VWDE: variants seen among roughly 807,000 people sequenced by gnomAD.
VWDE encodes the protein von Willebrand factor D and EGF domain-containing protein.
A neutral mutation model predicts 178.4 loss-of-function variants in VWDE; 207 were observed. The observed-to-expected ratio is 1.16, with a 90% CI of 1.04 to 1.30. VWDE has a LOEUF of 1.30. Among genes scored for constraint, VWDE ranks in the 50% most tolerant of loss-of-function variants. The pLI is 0.00. For synonymous variants in VWDE, 738 were observed against 651.4 expected, an observed-to-expected ratio of 1.13 and a Z score of -2.02; for missense variants, 2,287 against 1,901.3, an observed-to-expected ratio of 1.20 and a Z score of -3.77.
At chr7:12,341,635 G>GAAAAA (rs5882355) in intron 23 of VWDE, among the ~76,000 whole-genome samples, 1 of 148,090 alleles carries the variant, frequency 6.8e-6, no homozygotes, top group Non-Finnish European at 1.5e-5. Flanking sequence ...CTGTCTAAAT[G>GAAAAA]AAAAAAAAAA....
chr7:12,375,566 T>C (rs1783480297), intron 7 of VWDE, among the ~76,000 whole-genome samples: 1 of 151,820 alleles, frequency 6.6e-6, no homozygotes, highest in African/African-American at 2.4e-5. Context: ...TAATTTTACA[T>C]ATTATATATA....
At chr7:12,371,680 T>C (rs932317953) in intron 10 of VWDE, among the ~76,000 whole-genome samples, 4 of 152,150 alleles carry the variant, frequency 2.6e-5, no homozygotes, top group Admixed American at 2.6e-4. Context: ...CAACTTAAGG[T>C]AGCTAATATT....
At chr7:12,362,965 C>G (rs116392216) in intron 13 of VWDE, among the ~76,000 whole-genome samples, 1 of 152,062 alleles carries the variant, frequency 6.6e-6, no homozygotes, top group Non-Finnish European at 1.5e-5. Flanking sequence ...TTATTCCCAA[C>G]TTTCTATTTC....
intron 11 of VWDE, 26 bp downstream of exon 11, chr7:12,370,630 T>C (rs1180802019): frequency 1.3e-6 from 2 of 1,546,776 alleles, no homozygotes. Context: ...ATTAATATAA[T>C]CGCAAGTGGA....
Position 12,393,703 on chromosome 7 carries a change from A to T in VWDE, c.134T>A (p.Leu45His). The change falls in exon 2 of 29, where the codon CTC becomes CAC. Residue 45 changes from leucine (L) to histidine (H), a missense_variant. Transcript: ENST00000275358. ...YRSVRFDSWH[L>H]QQSAVQDLIC... ...TAGGTCTTGAACAGCTGACTGCTGGAGGTGCCATGAGTCAAAACGGACACT... is the reference window on the plus strand; with the variant it reads ...TAGGTCTTGAACAGCTGACTGCTGGTGGTGCCATGAGTCAAAACGGACACT... 6.4e-7 allele frequency: 1 copy of T among 1,551,296 alleles called. No individual in the cohort carries two copies. The highest frequency in any genetic ancestry group is 1.4e-5 in the African/African-American group (1 of 73,130).
At chr7:12,403,458 A>C (rs1562529010) in intron 1 of VWDE, among the ~76,000 whole-genome samples, 1 of 152,238 alleles carries the variant, frequency 6.6e-6, no homozygotes, top group African/African-American at 2.4e-5. Flanking sequence ...GCAAAAGAAA[A>C]GTGTAGAGTT....
chr7:12,358,822 T>C (rs1008179775), intron 16 of VWDE, among the ~76,000 whole-genome samples: 2 of 152,226 alleles, frequency 1.3e-5, no homozygotes. Context: ...GCACTACATT[T>C]TTCCTCAAAT....
In VWDE at chr7:12,344,213, C is replaced by T. The variant is rs1343142618; in HGVS notation, c.4060G>A (p.Gly1354Arg). 1.2e-5 allele frequency: 19 copies of T among 1,550,412 alleles called. No homozygotes were observed. The highest frequency in any genetic ancestry group is 1.5e-5 in the Non-Finnish European group (17 of 1,146,262). ...NICQCLPGHG[G>R]ATCDEEHCNP... is the part of the protein sequence containing the mutation. ...TTATCACCTTCATCACAGGTTGCTC[C>T]ACCATGTCCTGGAAGACACTGACAA... The change falls in exon 21 of 29, where the codon GGA (glycine) becomes AGA (arginine). Residue 1354 changes from glycine (G) to arginine (R), a missense_variant. Gly to Arg is a moderately radical substitution (Grantham distance 125). Transcript: ENST00000275358.
chr7:12,345,712 T>C (rs900395834), intron 19 of VWDE, among the ~76,000 whole-genome samples: 4 of 152,186 alleles, frequency 2.6e-5, no homozygotes, highest in African/African-American at 9.6e-5. Context: ...AAAGAGCTAC[T>C]GTTCTTCACA....
rs1414547083 is a variant in VWDE, at chr7:12,336,250, T to C, written c.4559-14A>G. ...GCAAGCAGATAGCTGCCAATCGAAA[T>C]ATAAACAAGTTAAAATTTTAAATTA... On this transcript the variant is annotated splice_polypyrimidine_tract_variant and intron_variant, in intron 26 of 28. Transcript: ENST00000275358. 2 of 1,548,248 alleles carry C rather than the reference T, an allele frequency of 1.3e-6. No individual in the cohort carries two copies. The highest frequency in any genetic ancestry group is 1.4e-5 in the African/African-American group (1 of 73,032).
chr7:12,376,804 TG>T (rs1412243390), intron 7 of VWDE, among the ~76,000 whole-genome samples: 1 of 152,112 alleles, frequency 6.6e-6, no homozygotes, highest in African/African-American at 2.4e-5. Context: ...GCCTGCTTAC[TG>T]TTAACAATCC....
rs1441033394 is a variant in VWDE at position 12,357,361 on chromosome 7, T to C, written c.3429A>G (p.Ala1143=). The C allele has an allele frequency of 6.4e-7, 1 of 1,552,048 alleles. No individual in the cohort carries two copies. The highest frequency in any genetic ancestry group is 2.0e-5 in the Admixed American group (1 of 51,004). Residue 1143 remains alanine (A), a synonymous_variant, in exon 17 of 29, where the codon GCA becomes GCG. Transcript: ENST00000275358. ...AATCTGTTTTCCACATAAAAAGCCC[T>C]GCAGAGGAAACACTTGCCCCTTCAG... is the stretch of plus-strand genomic sequence containing the variant. ...SGPEGASVSS[A]GLFMWKTDLL... is the part of the protein sequence containing the mutation.
At chr7:12,360,547 T>C (rs1350808055) in intron 15 of VWDE, among the ~76,000 whole-genome samples, 1 of 152,164 alleles carries the variant, frequency 6.6e-6, no homozygotes, top group Non-Finnish European at 1.5e-5. Context: ...AAATATTATT[T>C]GTATGCACCT....
At chr7:12,365,660 G>A (rs966548303) in intron 13 of VWDE, among the ~76,000 whole-genome samples, 3 of 151,938 alleles carry the variant, frequency 2.0e-5, no homozygotes, top group African/African-American at 7.2e-5. Context: ...CTTTGAGCAG[G>A]GCCCATGTTC....
At chr7:12,349,186 C>T (rs1034055342) in intron 19 of VWDE, among the ~76,000 whole-genome samples, 1 of 151,574 alleles carries the variant, frequency 6.6e-6, no homozygotes, top group African/African-American at 2.4e-5. Context: ...TGTAACTAAC[C>T]TACACATTGT....
intron 5 of VWDE, 120 bp downstream of exon 5, chr7:12,380,364 AAG>A (rs958674968): frequency 3.7e-6 from 5 of 1,344,086 alleles, no homozygotes; most frequent in African/African-American, 1.5e-5. Context: ...AAAAAACAAA[AAG>A]AAAAATATTA....
intron 3 of VWDE, among the ~76,000 whole-genome samples, chr7:12,388,539 A>G (rs1583345807): frequency 1.3e-5 from 2 of 152,160 alleles, no homozygotes; most frequent in Non-Finnish European, 2.9e-5. Flanking sequence ...CCTTGCCTCT[A>G]TTTAATTATC....
In VWDE at chr7:12,375,172, G is replaced by C. The variant is rs1201397252; in HGVS notation, c.1080C>G (p.Leu360=). 6.4e-7 allele frequency: 1 copy of C among 1,551,174 alleles called. No individual in the cohort carries two copies. The change falls in exon 8 of 29, where the codon CTC becomes CTG. Residue 360 remains leucine, a synonymous_variant. Coordinates refer to ENST00000275358, the MANE Select transcript of VWDE (RefSeq NM_001135924.3). ...LALSSCHVDL[L]QTSSCANGTC... ...TTCCATTAGCACAGGAAGATGTCTG[G>C]AGAAGGTCCACATGACAGGAAGACA...
chr7:12,380,937 C>A (rs55690557), intron 4 of VWDE, among the ~76,000 whole-genome samples: 3,021 of 152,140 alleles, frequency 0.02, 96 homozygotes, highest in African/African-American at 0.07. Context: ...AGCCAAGCAA[C>A]GTTATCAGCT....
Sources: allele counts gnomAD v4.1 joint callset (sites outside exome capture counted in the v4.1 genomes callset), GRCh38; gene constraint gnomAD v4.1.1; transcripts MANE v1.5; gene names NCBI Gene and HGNC (gene_info 2026-07-23, HGNC 2026-07-21).